The following BMP2 variants were observed in gnomAD, a reference collection of about 807,000 sequenced individuals.
BMP2 encodes bone morphogenetic protein 2A.
BMP2 carries 2 observed loss-of-function variants against 28.8 expected under a neutral mutation model. That is an observed-to-expected ratio of 0.07 (90% CI 0.03 to 0.22). The LOEUF is 0.22. BMP2 is among the 10% of genes least tolerant of loss of function. BMP2 has a pLI of 1.00. For synonymous variants in BMP2, 218 were observed against 204.3 expected (o/e 1.07, Z -0.57); for missense variants, 437 against 517.7 (o/e 0.84, Z 1.51).
At chr20:6,771,568 T>C (rs560179754) in intron 2 of BMP2, among the ~76,000 whole-genome samples, 3 of 152,306 alleles carry the variant, frequency 2.0e-5, no homozygotes, top group African/African-American at 2.4e-5. Flanking sequence ...AATAGACTAA[T>C]GGGAAATGGC....
In BMP2 at chr20:6,770,309, C is replaced by A; in HGVS notation, c.183C>A (p.Phe61Leu). 1 of 1,613,428 alleles carries A rather than the reference C, an allele frequency of 6.2e-7. No individual in the cohort carries two copies. Among genetic ancestry groups the A allele is most frequent in the Non-Finnish European group, 8.5e-7 (1 of 1,179,934 alleles). ...SEFELRLLSM[F>L]GLKQRPTPSR... ...TCGAGTTGCGGCTGCTCAGCATGTT[C>A]GGCCTGAAACAGAGACCCACCCCCA... is the stretch of plus-strand genomic sequence containing the variant. The change falls in exon 2 of 3, where the codon TTC (phenylalanine) becomes TTA (leucine). Residue 61 changes from phenylalanine to leucine, a missense_variant. Transcript: ENST00000378827.
At position 6,770,421 on chromosome 20, in the gene BMP2, T is replaced by C; in HGVS notation, c.295T>C (p.Leu99=). Reference sequence around the variant, plus strand: ...GGGCTCACCCGCCCCAGACCACCGGTTGGAGAGGGCAGCCAGCCGAGCCAA... The same window carrying C: ...GGGCTCACCCGCCCCAGACCACCGGCTGGAGAGGGCAGCCAGCCGAGCCAA... ...QPGSPAPDHR[L]ERAASRANTV... is the part of the protein sequence containing the mutation. Residue 99 remains leucine, a synonymous_variant, in exon 2 of 3, where the codon TTG becomes CTG. Coordinates refer to ENST00000378827, the MANE Select transcript of BMP2 (RefSeq NM_001200.4). 2 of 1,610,578 alleles carry C rather than the reference T, an allele frequency of 1.2e-6. No individual in the cohort carries two copies. The highest frequency in any genetic ancestry group is 4.5e-5 in the East Asian group (2 of 44,766).
At position 6,778,273 on chromosome 20, in the gene BMP2, TG is replaced by T; in HGVS notation, c.378del (p.Thr128GlnfsTer9). On this transcript the variant is annotated frameshift_variant, in exon 3 of 3. Transcript: ENST00000378827. LOFTEE classifies it high-confidence loss of function. The surrounding 1 kb of genome is among the most constrained non-coding windows in gnomAD (Gnocchi z 5.0). ...CTTTGGAAGAACTACCAGAAACGAG[TG>T]GGAAAACAACCCGGAGATTCTTCTT... is the stretch of plus-strand genomic sequence containing the variant. ...ESLEELPETS[G>X]KTTRRFFFNL... 6.3e-7 allele frequency: 1 copy of T among 1,599,380 alleles called. No homozygotes were observed. The highest frequency in any genetic ancestry group is 8.5e-7 in the Non-Finnish European group (1 of 1,174,236).
At chr20:6,776,519 A>G (rs1986503787) in intron 2 of BMP2, among the ~76,000 whole-genome samples, 1 of 152,212 alleles carries the variant, frequency 6.6e-6, no homozygotes, top group African/African-American at 2.4e-5. Flanking sequence ...TGGAATATGA[A>G]AAACATGCTG....
Position 6,770,131 on chromosome 20 carries a change from T to C in BMP2, c.5T>C (p.Val2Ala), listed in dbSNP as rs1332619528. The C allele has an allele frequency of 6.5e-7, 1 of 1,543,806 alleles. No homozygotes were observed. The highest frequency in any genetic ancestry group is 1.2e-5 in the South Asian group (1 of 84,344). ...GGTCCTGTCCGCAGGTCGACCATGG[T>C]GGCCGGGACCCGCTGTCTTCTAGCG... MVAGTRCLLALL... is the reference protein window; with the variant it reads MAAGTRCLLALL... The change falls in exon 2 of 3, where the codon GTG becomes GCG. Residue 2 changes from valine (V) to alanine (A), a missense_variant. Val to Ala is a moderately conservative substitution (Grantham distance 64). Coordinates refer to ENST00000378827, the MANE Select transcript of BMP2 (RefSeq NM_001200.4).
At position 6,780,002 on chromosome 20, in the gene BMP2, C is replaced by T. The variant is rs918934293; in HGVS notation, c.*913C>T. ...TATATTTAAAATTGATATCTCGTGGCCCTCATCAAGGGTTGGAAATTTATT... is the reference window on the plus strand; with the variant it reads ...TATATTTAAAATTGATATCTCGTGGTCCTCATCAAGGGTTGGAAATTTATT... On this transcript the variant is annotated 3_prime_UTR_variant, in exon 3 of 3. Transcript: ENST00000378827. 2 of 152,502 alleles carry T rather than the reference C, an allele frequency of 1.3e-5. No individual in the cohort carries two copies. The highest frequency in any genetic ancestry group is 4.8e-5 in the African/African-American group (2 of 41,404). 9.4% of individuals were successfully genotyped at this position (152,502 alleles called of 1,614,324 possible).
intron 1 of BMP2, among the ~76,000 whole-genome samples, chr20:6,769,447 C>T (rs2122374071): frequency 6.6e-6 from 1 of 152,272 alleles, no homozygotes; most frequent in East Asian, 1.9e-4. Flanking sequence ...TAGATATTCA[C>T]CATTTACGTA....
chr20:6,779,111 A>C lies in BMP2; in HGVS notation c.*22A>C, dbSNP rs765413220. On this transcript the variant is annotated 3_prime_UTR_variant, in exon 3 of 3. Coordinates refer to ENST00000378827, the MANE Select transcript of BMP2 (RefSeq NM_001200.4). ...CTAGTACAGCAAAATTAAATACATA[A>C]ATATATATATATATATATATTTTAG... The C allele has an allele frequency of 2.9e-6, 3 of 1,024,152 alleles. No homozygotes were observed. The highest frequency in any genetic ancestry group is 3.4e-5 in the African/African-American group (2 of 59,292). 63.4% of individuals were successfully genotyped at this position (1,024,152 alleles called of 1,614,324 possible).
rs1986575737 is a variant in BMP2, at chr20:6,779,291, T to C, written c.*202T>C. 5.3e-6 allele frequency: 1 copy of C among 189,718 alleles called. No homozygotes were observed. The highest frequency in any genetic ancestry group is 1.9e-4 in the South Asian group (1 of 5,200). 11.8% of individuals were successfully genotyped at this position (189,718 alleles called of 1,614,324 possible). A position where few individuals can be genotyped will look rare whatever the true frequency, so the allele number is the denominator to read the frequency against. ...CGAAAAGAAGTTGGGAAAACAAATA[T>C]TTTAATCAGAGAATTATTCCTTAAA... On this transcript the variant is annotated 3_prime_UTR_variant, in exon 3 of 3. Transcript: ENST00000378827.
Position 6,778,747 on chromosome 20 carries a change from A to C in BMP2, c.849A>C (p.Gln283His), listed in dbSNP as rs1224137887. The change falls in exon 3 of 3, where the codon CAA becomes CAC. Residue 283 changes from glutamine (Q) to histidine (H), a missense_variant. By Grantham distance (24) the Gln-to-His change is conservative (BLOSUM62 0). Transcript: ENST00000378827. This position sits in a 1 kb window ranked among gnomAD's most constrained non-coding sequence, Gnocchi z 5.0. Reference sequence around the variant, plus strand: ...CTCTCCACAAAAGAGAAAAACGTCAAGCCAAACACAAACAGCGGAAACGCC... The same window carrying C: ...CTCTCCACAAAAGAGAAAAACGTCACGCCAAACACAAACAGCGGAAACGCC... The part of the protein sequence containing the change: ...GHPLHKREKR[Q>H]AKHKQRKRLK... 1 of 1,614,256 alleles carries C rather than the reference A, an allele frequency of 6.2e-7. No homozygotes were observed. Among genetic ancestry groups the C allele is most frequent in the South Asian group, 1.1e-5 (1 of 91,090 alleles).
At chr20:6,771,589 G>A (rs1986401522) in intron 2 of BMP2, among the ~76,000 whole-genome samples, 1 of 152,150 alleles carries the variant, frequency 6.6e-6, no homozygotes, top group Admixed American at 6.5e-5. Flanking sequence ...ACTTCCAGAT[G>A]TTTTCTCCCA....
chr20:6,779,195 C>T lies in BMP2; in HGVS notation c.*106C>T, dbSNP rs1275009346. 1 of 443,000 alleles carries T rather than the reference C, an allele frequency of 2.3e-6. No homozygotes were observed. The highest frequency in any genetic ancestry group is 5.5e-5 in the East Asian group (1 of 18,208). 27.4% of individuals were successfully genotyped at this position (443,000 alleles called of 1,614,324 possible). ...CACCCCAGTTGACACTTTAATATTT[C>T]CCAATGAAGACTTTATTTATGGAAT... On this transcript the variant is annotated 3_prime_UTR_variant, in exon 3 of 3. Transcript: ENST00000378827.
Position 6,778,139 on chromosome 20 carries a change from C to A in BMP2, c.347-106C>A. On this transcript the variant is annotated intron_variant, in intron 2 of 2. Transcript: ENST00000378827. This position sits in a 1 kb window ranked among gnomAD's most constrained non-coding sequence, Gnocchi z 5.0. The stretch of plus-strand genomic sequence containing the variant: ...TACTTTTACATGGGTTACATCAAAT[C>A]CCACGATGAGGTTTAAAAATTCTCA... The A allele has an allele frequency of 6.8e-7, 1 of 1,474,680 alleles. No homozygotes were observed. Among genetic ancestry groups the A allele is most frequent in the Non-Finnish European group, 9.1e-7 (1 of 1,104,014 alleles). 91.3% of individuals were successfully genotyped at this position (1,474,680 alleles called of 1,614,324 possible). A position where few individuals can be genotyped will look rare whatever the true frequency, so the allele number is the denominator to read the frequency against.
rs979464703 is a variant in BMP2, at chr20:6,778,056, CAG to C, written c.347-183_347-182del. Among the ~76,000 whole-genome samples the C allele has an allele frequency of 6.6e-6, 1 of 152,102 alleles. No homozygotes were observed. Among genetic ancestry groups the C allele is most frequent in the African/African-American group, 2.4e-5 (1 of 41,414 alleles). ...TGCATGATGACATGAACTTACAGAA[CAG>C]AGAGAAGGGAGGCTCCATGTTTATT... On this transcript the variant is annotated intron_variant, in intron 2 of 2. Coordinates refer to ENST00000378827, the MANE Select transcript of BMP2 (RefSeq NM_001200.4). The surrounding 1 kb of genome is among the most constrained non-coding windows in gnomAD (Gnocchi z 5.0).
intron 2 of BMP2, among the ~76,000 whole-genome samples, chr20:6,772,384 T>C (rs1201949130): frequency 6.6e-6 from 1 of 152,236 alleles, no homozygotes; most frequent in African/African-American, 2.4e-5. Context: ...AAAAGCTATG[T>C]AATTTTGCCC....
At position 6,778,593 on chromosome 20, in the gene BMP2, A is replaced by G; in HGVS notation, c.695A>G (p.His232Arg). Residue 232 changes from histidine to arginine, a missense_variant, in exon 3 of 3, where the codon CAC becomes CGC. Physicochemically the swap from His to Arg is conservative, Grantham distance 29 (BLOSUM62 0). Coordinates refer to ENST00000378827, the MANE Select transcript of BMP2 (RefSeq NM_001200.4). The surrounding 1 kb of genome is among the most constrained non-coding windows in gnomAD (Gnocchi z 5.0). ...CATGGATTCGTGGTGGAAGTGGCCC[A>G]CTTGGAGGAGAAACAAGGTGTCTCC... ...ANHGFVVEVA[H>R]LEEKQGVSKR... 1 of 1,614,130 alleles carries G rather than the reference A, an allele frequency of 6.2e-7. No individual in the cohort carries two copies. The highest frequency in any genetic ancestry group is 8.5e-7 in the Non-Finnish European group (1 of 1,180,010).
rs1486625316 is a variant in BMP2 at position 6,767,797 on chromosome 20, C to T, written c.-1086C>T. 3 of 304,690 alleles carry T rather than the reference C, an allele frequency of 9.8e-6. No individual in the cohort carries two copies. Among genetic ancestry groups the T allele is most frequent in the Non-Finnish European group, 1.8e-5 (3 of 166,958 alleles). The allele number at this position is 304,690 out of a possible 1,614,324, so 18.9% of individuals were successfully genotyped here. A position where few individuals can be genotyped will look rare whatever the true frequency, so the allele number is the denominator to read the frequency against. ...CCCCGCCGGGGACTGGCAGCCGCCG[C>T]CGCACATCTGCCGCCACAGCCTCCG... On this transcript the variant is annotated 5_prime_UTR_variant, in exon 1 of 3. Transcript: ENST00000378827.
At chr20:6,775,204 A>G (rs1459487933) in intron 2 of BMP2, among the ~76,000 whole-genome samples, 3 of 152,214 alleles carry the variant, frequency 2.0e-5, no homozygotes, top group Non-Finnish European at 4.4e-5. Flanking sequence ...TGCTGTGATG[A>G]TTTATAGAAG....
chr20:6,768,020 C>T lies in BMP2; in HGVS notation c.-863C>T. The stretch of plus-strand genomic sequence containing the variant: ...GGGACTCCGGAGCCGATCCCTAGCG[C>T]CGCGATGCGGAGCACCTACTGCAGG... On this transcript the variant is annotated 5_prime_UTR_variant, in exon 1 of 3. Transcript: ENST00000378827. 2.5e-6 allele frequency: 1 copy of T among 398,078 alleles called. No individual in the cohort carries two copies. The highest frequency in any genetic ancestry group is 4.4e-6 in the Non-Finnish European group (1 of 225,750). 24.7% of individuals were successfully genotyped at this position (398,078 alleles called of 1,614,324 possible). A position where few individuals can be genotyped will look rare whatever the true frequency, so the allele number is the denominator to read the frequency against.
Sources: gnomAD v4.1 joint callset for allele counts (sites outside exome capture counted in the v4.1 genomes callset) on GRCh38, gnomAD v4.1.1 for gene constraint, Gnocchi (gnomAD v3.1) non-coding constraint, MANE v1.5 for transcripts, NCBI Gene and HGNC (gene_info 2026-07-23, HGNC 2026-07-21) for gene names.